Variants in CMTM8 observed in about 807,000 individuals in gnomAD.
CMTM8 encodes CKLF like MARVEL transmembrane domain containing 8, also known as CKLF-like MARVEL transmembrane domain-containing protein 8.
In CMTM8, 12 loss-of-function variants were observed where a neutral mutation model predicts 18.6. That is an observed-to-expected ratio of 0.65 (90% confidence interval 0.41 to 1.05). The LOEUF (loss-of-function observed/expected upper bound fraction) is 1.05. CMTM8 is among the 50% of genes least tolerant of loss of function. The pLI is 0.00. For missense variants in CMTM8, 217 were observed against 227.2 expected (o/e 0.95, Z 0.29); for synonymous variants, 87 against 90.6 (o/e 0.96, Z 0.23).
chr3:32,319,068 ATATATATTT>A (rs1212408634), intron 1 of CMTM8, among the ~76,000 whole-genome samples: 1 of 34,338 alleles, frequency 2.9e-5, no homozygotes, highest in Non-Finnish European at 5.3e-5. Flanking sequence ...ATATATATAT[ATATATATTT>A]TTTTTTTTTT....
At chr3:32,351,884 G>A (rs1251270113) in intron 1 of CMTM8, among the ~76,000 whole-genome samples, 1 of 151,778 alleles carries the variant, frequency 6.6e-6, no homozygotes, top group East Asian at 1.9e-4. Context: ...ATCAGGCCAG[G>A]CACAGTGGCT....
intron 1 of CMTM8, among the ~76,000 whole-genome samples, chr3:32,257,005 T>C (rs1425912386): frequency 6.6e-6 from 1 of 152,218 alleles, no homozygotes; most frequent in African/African-American, 2.4e-5. Context: ...TTCAGGGATC[T>C]ATGGTGATAT....
At chr3:32,261,536 C>A (rs901718588) in intron 1 of CMTM8, among the ~76,000 whole-genome samples, 3 of 151,936 alleles carry the variant, frequency 2.0e-5, no homozygotes, top group Non-Finnish European at 4.4e-5. Context: ...CAGGAAAATA[C>A]CATTTGTTTG....
chr3:32,329,157 G>A (rs139735664), intron 1 of CMTM8, among the ~76,000 whole-genome samples: 1,901 of 152,066 alleles, frequency 0.013, 16 homozygotes, highest in South Asian at 0.021. Context: ...CCTCCACTTC[G>A]CAGGTTTAAG....
chr3:32,324,227 A>G (rs1696113558), intron 1 of CMTM8, among the ~76,000 whole-genome samples: 1 of 152,164 alleles, frequency 6.6e-6, no homozygotes, highest in African/African-American at 2.4e-5. Context: ...TAAGAACAAC[A>G]AAGTAGAGGT....
At chr3:32,321,229 C>G (rs558629088) in intron 1 of CMTM8, among the ~76,000 whole-genome samples, 4 of 152,208 alleles carry the variant, frequency 2.6e-5, no homozygotes, top group African/African-American at 9.6e-5. Context: ...TTAAACAACA[C>G]TGGGGACTAA....
intron 1 of CMTM8, among the ~76,000 whole-genome samples, chr3:32,256,165 C>T (rs1450750165): frequency 6.6e-6 from 1 of 152,166 alleles, no homozygotes; most frequent in Non-Finnish European, 1.5e-5. Flanking sequence ...GTGGCTCAAA[C>T]ATGGCTCAAT....
intron 2 of CMTM8, among the ~76,000 whole-genome samples, chr3:32,362,523 G>T (rs984919306): frequency 6.6e-6 from 1 of 152,176 alleles, no homozygotes; most frequent in Non-Finnish European, 1.5e-5. Flanking sequence ...ATGGGAGGCA[G>T]GTCTTCTAAT....
chr3:32,312,035 T>A (rs1011270279), intron 1 of CMTM8, among the ~76,000 whole-genome samples: 3 of 152,242 alleles, frequency 2.0e-5, no homozygotes, highest in Admixed American at 6.5e-5. Context: ...GAATTCTCCT[T>A]GGTTTACGGA....
At chr3:32,313,866 C>G (rs1158146094) in intron 1 of CMTM8, among the ~76,000 whole-genome samples, 1 of 152,102 alleles carries the variant, frequency 6.6e-6, no homozygotes, top group South Asian at 2.1e-4. Context: ...CTCGTGGACA[C>G]ATAGAAGGGT....
At position 32,342,551 on chromosome 3, in the gene CMTM8, T is replaced by G. The variant is rs76859859; in HGVS notation, c.148-14822T>G. ...TGAGGTGGACCGTGTGGCATTCAGGTGTCCACACAGGGCAGGGAAGACAGA... is the reference window on the plus strand; with the variant it reads ...TGAGGTGGACCGTGTGGCATTCAGGGGTCCACACAGGGCAGGGAAGACAGA... On this transcript the variant is annotated intron_variant, in intron 1 of 3. Coordinates refer to ENST00000307526, the MANE Select transcript of CMTM8 (RefSeq NM_178868.5). 2.1e-3 allele frequency among the ~76,000 whole-genome samples: 322 copies of G among 152,236 alleles called. 5 individuals are homozygous for G. The highest frequency in any genetic ancestry group is 8.5e-3 in the East Asian group (44 of 5,156).
chr3:32,327,075 A>G (rs1327156964), intron 1 of CMTM8, among the ~76,000 whole-genome samples: 5 of 151,998 alleles, frequency 3.3e-5, no homozygotes, highest in Admixed American at 2.0e-4. Context: ...CCTGGTGTCC[A>G]GTAACCTTAG....
chr3:32,285,666 G>A (rs540806309), intron 1 of CMTM8, among the ~76,000 whole-genome samples: 1 of 152,270 alleles, frequency 6.6e-6, no homozygotes, highest in South Asian at 2.1e-4. Context: ...ATTGGGTGAT[G>A]GATGTATAAC....
chr3:32,327,231 A>G (rs764391308), intron 1 of CMTM8, among the ~76,000 whole-genome samples: 3 of 152,204 alleles, frequency 2.0e-5, no homozygotes, highest in Non-Finnish European at 4.4e-5. Flanking sequence ...ATAGGATTGT[A>G]TGCATTCTCT....
At chr3:32,361,313 G>A (rs1315619303) in intron 2 of CMTM8, among the ~76,000 whole-genome samples, 2 of 7,302 alleles carry the variant, frequency 2.7e-4, no homozygotes, top group East Asian at 6.1e-3. Context: ...ATTTTGGAAA[G>A]GTAATAAGGT....
chr3:32,349,354 G>C (rs575582748), intron 1 of CMTM8, among the ~76,000 whole-genome samples: 1 of 151,912 alleles, frequency 6.6e-6, no homozygotes, highest in Admixed American at 6.6e-5. Flanking sequence ...TGCTAATGAA[G>C]ACCTGGCTGC....
intron 1 of CMTM8, among the ~76,000 whole-genome samples, chr3:32,334,487 T>G (rs1363173085): frequency 6.6e-6 from 1 of 151,394 alleles, no homozygotes; most frequent in Non-Finnish European, 1.5e-5. Flanking sequence ...GCGCCTGTAG[T>G]CCCAGACACT....
intron 1 of CMTM8, among the ~76,000 whole-genome samples, chr3:32,294,686 G>T (rs149283026): frequency 6.6e-6 from 1 of 152,200 alleles, no homozygotes; most frequent in Non-Finnish European, 1.5e-5. Flanking sequence ...GGGCAGATCC[G>T]TCTTCTTGTT....
At chr3:32,274,072 G>A (rs954959487) in intron 1 of CMTM8, among the ~76,000 whole-genome samples, 2 of 152,140 alleles carry the variant, frequency 1.3e-5, no homozygotes, top group East Asian at 1.9e-4. Context: ...CACTTTGGGA[G>A]GCTGAGATAG....
Sources: gnomAD v4.1 joint callset for allele counts (sites outside exome capture counted in the v4.1 genomes callset) on GRCh38, gnomAD v4.1.1 for gene constraint, MANE v1.5 for transcripts, NCBI Gene and HGNC (gene_info 2026-07-23, HGNC 2026-07-21) for gene names.